FBXO47: variants seen among roughly 807,000 people sequenced by gnomAD.
FBXO47 encodes the protein F-box protein 47.
FBXO47 carries 34 observed loss-of-function variants against 53.9 expected under a neutral mutation model. That is an observed-to-expected ratio of 0.63 (90% CI 0.48 to 0.84). The LOEUF (loss-of-function observed/expected upper bound fraction) is 0.84, where lower values mean the gene tolerates loss of function less well. FBXO47 is among the 40% of genes least tolerant of loss of function. The pLI is 0.00. For missense variants in FBXO47, 485 were observed against 541.3 expected (o/e 0.90, Z 1.03); for synonymous variants, 165 against 181.6 (o/e 0.91, Z 0.73).
intron 7 of FBXO47, among the ~76,000 whole-genome samples, chr17:38,944,125 T>C (rs1281295876): frequency 1.3e-5 from 2 of 150,946 alleles, no homozygotes; most frequent in Admixed American, 6.6e-5. Flanking sequence ...GAGGTTGCAG[T>C]GAGTGGAGAT....
At position 38,957,259 on chromosome 17, in the gene FBXO47, A is replaced by G. The variant is rs1383709473; in HGVS notation, c.353-6T>C. The stretch of plus-strand genomic sequence containing the variant: ...GCATCTTTTAAACAGTAGACCTAAG[A>G]AAGTAAAGAGACATAAGAAAAAATG... On this transcript the variant is annotated splice_polypyrimidine_tract_variant and splice_region_variant and intron_variant, in intron 3 of 10. Coordinates refer to ENST00000378079, the MANE Select transcript of FBXO47 (RefSeq NM_001008777.3). 2 of 1,598,730 alleles carry G rather than the reference A, an allele frequency of 1.3e-6. No individual in the cohort carries two copies. Among genetic ancestry groups the G allele is most frequent in the Admixed American group, 1.7e-5 (1 of 59,892 alleles).
Position 38,951,695 on chromosome 17 carries a change from G to A in FBXO47, c.508-6C>T. ...TCCCAACCTGCTGTTAAGGTCTGAG[G>A]AAAATAAAGAAAACATTGTGGATAT... On this transcript the variant is annotated splice_polypyrimidine_tract_variant and splice_region_variant and intron_variant, in intron 5 of 10. Transcript: ENST00000378079. The A allele has an allele frequency of 6.3e-7, 1 of 1,583,410 alleles. No homozygotes were observed. The highest frequency in any genetic ancestry group is 1.7e-5 in the Admixed American group (1 of 58,538).
intron 3 of FBXO47, among the ~76,000 whole-genome samples, chr17:38,958,821 CTT>C (rs1286536147): frequency 6.6e-6 from 1 of 152,006 alleles, no homozygotes; most frequent in Non-Finnish European, 1.5e-5. Flanking sequence ...CAAAAACCCT[CTT>C]TATTTTTGTA....
At position 38,942,777 on chromosome 17, in the gene FBXO47, C is replaced by A; in HGVS notation, c.1083+1G>T. ...CTAGAGAAAAACTTATTTTTACTTA[C>A]CAAAGCCAAAAAGACTACGAGCCTT... On this transcript the variant is annotated splice_donor_variant, in intron 9 of 10. Transcript: ENST00000378079. LOFTEE classifies it high-confidence loss of function. 6.2e-7 allele frequency: 1 copy of A among 1,601,480 alleles called. No individual in the cohort carries two copies.
chr17:38,953,230 A>G (rs1308856105), intron 5 of FBXO47, among the ~76,000 whole-genome samples: 1 of 151,696 alleles, frequency 6.6e-6, no homozygotes, highest in Non-Finnish European at 1.5e-5. Context: ...GAGGCAGAAG[A>G]ATCACTTGAA....
intron 3 of FBXO47, among the ~76,000 whole-genome samples, chr17:38,958,762 T>C (rs1356552866): frequency 6.6e-6 from 1 of 152,170 alleles, no homozygotes; most frequent in Non-Finnish European, 1.5e-5. Context: ...TCTAACTTAT[T>C]TTTAGAAGTT....
chr17:38,958,656 C>T (rs1399670706), intron 3 of FBXO47, among the ~76,000 whole-genome samples: 1 of 152,010 alleles, frequency 6.6e-6, no homozygotes, highest in Non-Finnish European at 1.5e-5. Flanking sequence ...TAGGAAAATA[C>T]ATACCTGAAC....
chr17:38,941,794 C>T (rs1176400317), intron 9 of FBXO47, among the ~76,000 whole-genome samples: 3 of 151,294 alleles, frequency 2.0e-5, no homozygotes, highest in Admixed American at 6.6e-5. Flanking sequence ...CCACCTCAGC[C>T]TCCTGAGTAG....
At chr17:38,957,076 C>A in intron 4 of FBXO47, 101 bp downstream of exon 4, 1 of 699,718 alleles carries the variant, frequency 1.4e-6, no homozygotes, top group South Asian at 2.2e-5. Flanking sequence ...AGTGCTAATT[C>A]ATGAAATTCT....
chr17:38,943,068 T>A (rs1013403721), intron 8 of FBXO47, 148 bp from the exon 9 acceptor site: 1 of 709,208 alleles, frequency 1.4e-6, no homozygotes, highest in African/African-American at 1.8e-5. Flanking sequence ...AGTTTTCCAA[T>A]TATGGCATTC....
chr17:38,957,700 T>C (rs79721780), intron 3 of FBXO47, among the ~76,000 whole-genome samples: 1 of 96,326 alleles, frequency 1.0e-5, no homozygotes, highest in Non-Finnish European at 2.4e-5. Flanking sequence ...TGATTTTTCT[T>C]TTTTTTTTTT....
chr17:38,950,855 T>C (rs1259922843), intron 6 of FBXO47, among the ~76,000 whole-genome samples: 1 of 152,106 alleles, frequency 6.6e-6, no homozygotes, highest in Non-Finnish European at 1.5e-5. Flanking sequence ...ATATTTATCA[T>C]TCCCTTACAT....
chr17:38,944,190 C>CGTGT (rs1479938002), intron 7 of FBXO47, among the ~76,000 whole-genome samples: 3,284 of 122,734 alleles, frequency 0.027, 71 homozygotes, highest in Middle Eastern at 0.057. Flanking sequence ...TCAAAAAAAA[C>CGTGT]ATGTGTGTGT....
chr17:38,956,291 T>C (rs980186378), intron 4 of FBXO47, among the ~76,000 whole-genome samples: 4 of 151,960 alleles, frequency 2.6e-5, no homozygotes, highest in Non-Finnish European at 5.9e-5. Flanking sequence ...ATGCAAATGC[T>C]GACATGAAAA....
chr17:38,962,514 G>A (rs1160270021), intron 2 of FBXO47, among the ~76,000 whole-genome samples: 1 of 151,720 alleles, frequency 6.6e-6, no homozygotes, highest in East Asian at 1.9e-4. Context: ...GCTGAGGCAG[G>A]AGAATAGCTT....
Position 38,938,586 on chromosome 17 carries a change from T to C in FBXO47, c.1230A>G (p.Gln410=). ...AFACVIMEML[Q]SIMSGDRDED... Reference sequence around the variant, plus strand: ...ATTCCTACTCACCAGACATAATTGATTGCAGCATTTCCATTATAACACATG... The same window carrying C: ...ATTCCTACTCACCAGACATAATTGACTGCAGCATTTCCATTATAACACATG... Residue 410 remains glutamine, a synonymous_variant, in exon 10 of 11, where the codon CAA becomes CAG. Transcript: ENST00000378079. 1.2e-6 allele frequency: 2 copies of C among 1,611,582 alleles called. No individual in the cohort carries two copies. The highest frequency in any genetic ancestry group is 2.2e-5 in the East Asian group (1 of 44,826).
At chr17:38,945,276 T>C in intron 6 of FBXO47, 140 bp from the exon 7 acceptor site, 1 of 610,304 alleles carries the variant, frequency 1.6e-6, no homozygotes, top group Non-Finnish European at 2.8e-6. Flanking sequence ...CAAGAGATTA[T>C]CTATTCTTAA....
rs869282186 is a variant in FBXO47 at position 38,948,207 on chromosome 17, ATTTTTTTT to A, written c.617-3079_617-3072del. ...ATCTCCATGGATTTCCCTATTCTGG[ATTTTTTTT>A]TTTTTTTTTTTTTTTTGAGACAGAG... is the stretch of plus-strand genomic sequence containing the variant. On this transcript the variant is annotated intron_variant, in intron 6 of 10. Coordinates refer to ENST00000378079, the MANE Select transcript of FBXO47 (RefSeq NM_001008777.3). Among the ~76,000 whole-genome samples the A allele has an allele frequency of 1.3e-3, 113 of 89,298 alleles. 1 individual carries two copies. The highest frequency in any genetic ancestry group is 4.6e-3 in the African/African-American group (105 of 22,752). The allele number at this position is 89,298 out of a possible 152,430, so 58.6% of individuals were successfully genotyped here. A position where few individuals can be genotyped will look rare whatever the true frequency, so the allele number is the denominator to read the frequency against.
chr17:38,954,300 AAAATAAAT>A (rs550693999), intron 5 of FBXO47, among the ~76,000 whole-genome samples: 2 of 151,994 alleles, frequency 1.3e-5, no homozygotes, highest in African/African-American at 4.8e-5. Flanking sequence ...TCCGTCTCAA[AAAATAAAT>A]AAATAAATAA....
Sources: gnomAD v4.1 joint callset for allele counts (sites outside exome capture counted in the v4.1 genomes callset) on GRCh38, gnomAD v4.1.1 for gene constraint, MANE v1.5 for transcripts, NCBI Gene and HGNC (gene_info 2026-07-23, HGNC 2026-07-21) for gene names.